ATP8B4: variants seen among roughly 807,000 people sequenced by gnomAD.
The protein encoded by ATP8B4 is ATPase phospholipid transporting 8B4 (putative), also known as probable phospholipid-transporting ATPase IM.
Under a neutral mutation model 145.6 loss-of-function variants are expected in ATP8B4, and 133 were observed. The ratio of observed to expected loss-of-function variants is 0.91; its 90% confidence interval spans 0.79 to 1.05. ATP8B4 has a LOEUF of 1.05. Ranked by LOEUF, ATP8B4 falls within the 50% of genes least tolerant of loss-of-function variation. ATP8B4 has a pLI of 0.00. For missense variants in ATP8B4, 1,458 were observed against 1,425.2 expected (o/e 1.02, Z -0.37); for synonymous variants, 507 against 492.9 (o/e 1.03, Z -0.38).
At chr15:49,941,425 A>G (rs948713909) in intron 14 of ATP8B4, among the ~76,000 whole-genome samples, 4 of 152,302 alleles carry the variant, frequency 2.6e-5, no homozygotes, top group Middle Eastern at 3.4e-3. Context: ...GTAACACCTA[A>G]TCACATTTAA....
chr15:50,117,634 C>T (rs1010960192), intron 1 of ATP8B4, among the ~76,000 whole-genome samples: 1 of 152,262 alleles, frequency 6.6e-6, no homozygotes, highest in East Asian at 1.9e-4. Flanking sequence ...ACCATATGAT[C>T]CAGCAATCCC....
At chr15:49,984,773 G>A (rs1165515518) in intron 10 of ATP8B4, among the ~76,000 whole-genome samples, 2 of 151,966 alleles carry the variant, frequency 1.3e-5, no homozygotes, top group Non-Finnish European at 2.9e-5. Context: ...CAGAAAGAAT[G>A]GTAGAAAAAG....
At chr15:50,059,192 T>C (rs1484887050) in intron 3 of ATP8B4, among the ~76,000 whole-genome samples, 1 of 152,146 alleles carries the variant, frequency 6.6e-6, no homozygotes, top group Non-Finnish European at 1.5e-5. Context: ...AAAATAGGCA[T>C]TTGCCTTCTG....
intron 1 of ATP8B4, among the ~76,000 whole-genome samples, chr15:50,125,441 G>T (rs1035274639): frequency 6.6e-6 from 1 of 152,084 alleles, no homozygotes; most frequent in African/African-American, 2.4e-5. Flanking sequence ...AGGAGTTCAG[G>T]CTCTTAATCA....
At chr15:50,036,413 C>T (rs976432815) in intron 6 of ATP8B4, among the ~76,000 whole-genome samples, 1 of 152,152 alleles carries the variant, frequency 6.6e-6, no homozygotes, top group Non-Finnish European at 1.5e-5. Flanking sequence ...ATGAAGAAAG[C>T]GGCAGGTGCA....
intron 1 of ATP8B4, among the ~76,000 whole-genome samples, chr15:50,134,100 A>C (rs993175809): frequency 1.1e-4 from 17 of 152,308 alleles, no homozygotes; most frequent in African/African-American, 4.1e-4. Context: ...CCTTAAATAT[A>C]GATAATTTTT....
chr15:50,166,130 T>C (rs1164652499), intron 1 of ATP8B4, among the ~76,000 whole-genome samples: 1 of 152,158 alleles, frequency 6.6e-6, no homozygotes, highest in East Asian at 1.9e-4. Context: ...GAGTGATATC[T>C]TGAAAGTACC....
At chr15:50,043,802 A>C (rs997406084) in intron 5 of ATP8B4, among the ~76,000 whole-genome samples, 2 of 149,154 alleles carry the variant, frequency 1.3e-5, no homozygotes, top group African/African-American at 5.0e-5. Context: ...AAATACAAAA[A>C]ATTAGCCGGG....
chr15:49,879,492 A>G, intron 23 of ATP8B4, 33 bp from the exon 24 acceptor site: 1 of 1,536,624 alleles, frequency 6.5e-7, no homozygotes, highest in Non-Finnish European at 8.9e-7. Context: ...AGTGAGAAAC[A>G]TCATCCATAG....
upstream of ATP8B4, among the ~76,000 whole-genome samples, chr15:50,120,947 T>C (rs1476711640): frequency 1.3e-5 from 2 of 152,118 alleles, no homozygotes; most frequent in African/African-American, 2.4e-5. Context: ...CATAGGATTG[T>C]TGCAACTAAA....
intron 6 of ATP8B4, among the ~76,000 whole-genome samples, chr15:50,012,879 C>T (rs1000918447): frequency 6.6e-6 from 1 of 152,040 alleles, no homozygotes; most frequent in African/African-American, 2.4e-5. Context: ...TACATTATCC[C>T]CTATTCTGTC....
chr15:50,033,888 T>C (rs746598482), intron 6 of ATP8B4, among the ~76,000 whole-genome samples: 1 of 152,186 alleles, frequency 6.6e-6, no homozygotes. Flanking sequence ...GCAGAGAACA[T>C]GATTTTGTTC....
At chr15:50,030,214 G>C (rs1253949364) in intron 6 of ATP8B4, among the ~76,000 whole-genome samples, 1 of 151,680 alleles carries the variant, frequency 6.6e-6, no homozygotes, top group Non-Finnish European at 1.5e-5. Context: ...AGAAATTCTG[G>C]ATCTCCTCCC....
chr15:50,138,792 C>T (rs879295595), intron 1 of ATP8B4, among the ~76,000 whole-genome samples: 52 of 152,290 alleles, frequency 3.4e-4, no homozygotes, highest in South Asian at 1.7e-3. Flanking sequence ...CCCATACAAC[C>T]GCCACTTTCT....
chr15:49,995,554 G>A (rs1186316007), intron 9 of ATP8B4, among the ~76,000 whole-genome samples: 1 of 152,032 alleles, frequency 6.6e-6, no homozygotes, highest in Non-Finnish European at 1.5e-5. Flanking sequence ...ATTTAAGAGA[G>A]ATTAAAATAT....
chr15:49,947,728 A>C (rs1031301280), intron 14 of ATP8B4, among the ~76,000 whole-genome samples: 3 of 152,146 alleles, frequency 2.0e-5, no homozygotes, highest in Non-Finnish European at 4.4e-5. Context: ...ACATGTTACA[A>C]GCTACAGTCA....
chr15:49,955,177 G>A (rs2043447529), intron 14 of ATP8B4, among the ~76,000 whole-genome samples: 1 of 152,178 alleles, frequency 6.6e-6, no homozygotes, highest in African/African-American at 2.4e-5. Flanking sequence ...ACTAGAGGTA[G>A]CATAGAGAGA....
chr15:49,940,326 A>G (rs2042065314), intron 14 of ATP8B4, among the ~76,000 whole-genome samples: 1 of 152,194 alleles, frequency 6.6e-6, no homozygotes, highest in Admixed American at 6.5e-5. Flanking sequence ...GTTCTCATTT[A>G]TAAGTGGGAG....
In ATP8B4 at chr15:49,923,491, C is replaced by T. The variant is rs771488564; in HGVS notation, c.1646G>A (p.Arg549Gln). The change falls in exon 17 of 28, where the codon CGA (arginine) becomes CAA (glutamine). Residue 549 changes from arginine (R) to glutamine (Q), a missense_variant. Coordinates refer to ENST00000284509, the MANE Select transcript of ATP8B4 (RefSeq NM_024837.4). ...AAGCTTTATCTGTCCTTCTGGGTTT[C>T]GAACTGAAAAGAAAAAAGTTTGGAA... ...NTRKRMSVIVRNPEGQIKLYS... is the reference protein window; with the variant it reads ...NTRKRMSVIVQNPEGQIKLYS... 1.4e-5 allele frequency: 22 copies of T among 1,588,130 alleles called. No homozygotes were observed. The highest frequency in any genetic ancestry group is 1.7e-4 in the Middle Eastern group (1 of 5,996).
Sources: gnomAD v4.1 joint callset for allele counts (sites outside exome capture counted in the v4.1 genomes callset) on GRCh38, gnomAD v4.1.1 for gene constraint, MANE v1.5 for transcripts, NCBI Gene and HGNC (gene_info 2026-07-23, HGNC 2026-07-21) for gene names.